Variants in ARHGAP42 observed in about 807,000 individuals in gnomAD.
The protein encoded by ARHGAP42 is rho GTPase-activating protein 42.
A neutral mutation model predicts 125.0 loss-of-function variants in ARHGAP42; 63 were observed. The ratio of observed to expected loss-of-function variants is 0.50; its 90% CI spans 0.41 to 0.62. The LOEUF is 0.62. ARHGAP42 is among the 20% of genes least tolerant of loss of function. ARHGAP42 has a pLI of 0.00. For synonymous variants in ARHGAP42, 339 were observed against 351.0 expected (o/e 0.97, Z 0.38); for missense variants, 766 against 1,024.2 (o/e 0.75, Z 3.44).
chr11:100,876,945 G>T (rs1475075165), intron 4 of ARHGAP42, among the ~76,000 whole-genome samples: 1 of 152,158 alleles, frequency 6.6e-6, no homozygotes, highest in Non-Finnish European at 1.5e-5. Context: ...GTGATTTACA[G>T]ACTCTGAGTT....
At chr11:100,910,966 A>G (rs1675650685) in intron 4 of ARHGAP42, among the ~76,000 whole-genome samples, 1 of 152,124 alleles carries the variant, frequency 6.6e-6, no homozygotes, top group African/African-American at 2.4e-5. Context: ...CTCCAAATTA[A>G]CATTTCCAAA....
intron 1 of ARHGAP42, among the ~76,000 whole-genome samples, chr11:100,703,620 C>G (rs1640409664): frequency 3.9e-5 from 6 of 152,110 alleles, no homozygotes; most frequent in Admixed American, 3.9e-4. Context: ...TTTGATTTGC[C>G]TTTTAAAAAA....
At chr11:100,842,064 T>A (rs1358960980) in intron 3 of ARHGAP42, among the ~76,000 whole-genome samples, 3 of 152,202 alleles carry the variant, frequency 2.0e-5, no homozygotes, top group African/African-American at 7.2e-5. Flanking sequence ...TGGCTAAAGA[T>A]TGAAGTATTG....
intron 3 of ARHGAP42, among the ~76,000 whole-genome samples, chr11:100,857,984 C>G (rs1343415532): frequency 6.6e-6 from 1 of 151,946 alleles, no homozygotes; most frequent in African/African-American, 2.4e-5. Context: ...TGCTATTACT[C>G]CAAGTTACAC....
chr11:100,849,722 C>T (rs1292311534), intron 3 of ARHGAP42, among the ~76,000 whole-genome samples: 2 of 152,118 alleles, frequency 1.3e-5, no homozygotes, highest in Admixed American at 6.6e-5. Context: ...CAAACAGACA[C>T]TAAGGGGCTA....
chr11:100,962,604 C>A (rs996686775), intron 16 of ARHGAP42, 137 bp downstream of exon 16: 2 of 754,416 alleles, frequency 2.7e-6, no homozygotes, highest in Non-Finnish European at 4.1e-6. Flanking sequence ...GGGCCGGGTG[C>A]GGTGGCTCAA....
chr11:100,716,758 A>G (rs1861667650), intron 1 of ARHGAP42, among the ~76,000 whole-genome samples: 1 of 152,146 alleles, frequency 6.6e-6, no homozygotes. Context: ...TTTGTAGGAT[A>G]AGTCTTGTGA....
intron 3 of ARHGAP42, among the ~76,000 whole-genome samples, chr11:100,795,420 G>GAAT: frequency 6.6e-6 from 1 of 151,986 alleles, no homozygotes; most frequent in Non-Finnish European, 1.5e-5. Context: ...CTGTTCTAAG[G>GAAT]ATTAAAAATA....
chr11:100,714,291 C>T (rs980970531), intron 1 of ARHGAP42, among the ~76,000 whole-genome samples: 2 of 152,150 alleles, frequency 1.3e-5, no homozygotes, highest in Non-Finnish European at 2.9e-5. Flanking sequence ...TTGTTAATGA[C>T]ATTTCATATT....
Position 100,990,080 on chromosome 11 carries a change from T to C in ARHGAP42, c.*1279T>C, listed in dbSNP as rs534769903. On this transcript the variant is annotated 3_prime_UTR_variant, in exon 24 of 24. Transcript: ENST00000298815. ...ACTTATATATATCAGCATCTGGTCA[T>C]GCACGAACCATTAATTCTATATTTC... 1.3e-4 allele frequency: 20 copies of C among 152,308 alleles called. No individual in the cohort carries two copies. The highest frequency in any genetic ancestry group is 4.6e-4 in the African/African-American group (19 of 41,584). 9.4% of individuals were successfully genotyped at this position (152,308 alleles called of 1,614,324 possible).
chr11:100,715,101 A>G (rs573734054), intron 1 of ARHGAP42, among the ~76,000 whole-genome samples: 1 of 144,638 alleles, frequency 6.9e-6, no homozygotes, highest in South Asian at 2.3e-4. Context: ...TTTACTTTGT[A>G]TCTCAAATTA....
rs1861903204 is a variant in ARHGAP42, at chr11:100,728,713, C to CAT, written c.154+40881_154+40882insAT. 4.7e-3 allele frequency among the ~76,000 whole-genome samples: 451 copies of CAT among 95,256 alleles called. 41 individuals are homozygous for CAT. The highest frequency in any genetic ancestry group is 0.014 in the East Asian group (35 of 2,560). 62.5% of individuals were successfully genotyped at this position (95,256 alleles called of 152,430 possible). ...AAGTGAAATTATATGAATGACTTTGCGTATATATATATATATATATATATA... is the reference window on the plus strand; with the variant it reads ...AAGTGAAATTATATGAATGACTTTGCATGTATATATATATATATATATATATA... On this transcript the variant is annotated intron_variant, in intron 1 of 23. Coordinates refer to ENST00000298815, the MANE Select transcript of ARHGAP42 (RefSeq NM_152432.4).
At chr11:100,763,038 G>A (rs2134976229) in intron 1 of ARHGAP42, among the ~76,000 whole-genome samples, 2 of 134,710 alleles carry the variant, frequency 1.5e-5, no homozygotes, top group South Asian at 4.9e-4. Flanking sequence ...AGAGTGCAAT[G>A]GCATGATCTC....
intron 2 of ARHGAP42, among the ~76,000 whole-genome samples, chr11:100,784,245 C>T (rs1301604322): frequency 6.6e-6 from 1 of 152,164 alleles, no homozygotes; most frequent in Non-Finnish European, 1.5e-5. Flanking sequence ...GTTACATAGG[C>T]ACGTACCTTA....
rs755886110 is a variant in ARHGAP42, at chr11:100,687,651, C to T, written c.-28C>T. 14 of 1,419,394 alleles carry T rather than the reference C, an allele frequency of 9.9e-6. No homozygotes were observed. Among genetic ancestry groups the T allele is most frequent in the Non-Finnish European group, 1.3e-5 (14 of 1,075,242 alleles). The allele number at this position is 1,419,394 out of a possible 1,614,324, so 87.9% of individuals were successfully genotyped here. A position where few individuals can be genotyped will look rare whatever the true frequency, so the allele number is the denominator to read the frequency against. On this transcript the variant is annotated 5_prime_UTR_variant, in exon 1 of 24. Transcript: ENST00000298815. ...CCCTGACCTCCGGCCCGGACGTGTC[C>T]GCGGCCGCCGCTGGCAGCGCCTGTG... is the stretch of plus-strand genomic sequence containing the variant.
intron 10 of ARHGAP42, 24 bp downstream of exon 10, chr11:100,943,892 A>AT: frequency 3.5e-6 from 5 of 1,418,254 alleles, no homozygotes; most frequent in Non-Finnish European, 4.8e-6. Context: ...TTTTCACTTT[A>AT]TTTTTTTCAT....
intron 3 of ARHGAP42, among the ~76,000 whole-genome samples, chr11:100,803,582 C>A (rs80228860): frequency 0.027 from 4,116 of 152,256 alleles, 71 homozygotes; most frequent in Non-Finnish European, 0.036. Flanking sequence ...TCTTCACTTG[C>A]ATGTAGTAGA....
At chr11:100,695,154 G>A (rs1244014662) in intron 1 of ARHGAP42, among the ~76,000 whole-genome samples, 1 of 152,206 alleles carries the variant, frequency 6.6e-6, no homozygotes, top group Non-Finnish European at 1.5e-5. Context: ...TATAAGCGTA[G>A]CAACTTACAT....
intron 17 of ARHGAP42, among the ~76,000 whole-genome samples, chr11:100,972,314 C>T (rs1024501713): frequency 7.2e-5 from 11 of 152,164 alleles, no homozygotes; most frequent in African/African-American, 2.7e-4. Flanking sequence ...GAGGTATCCT[C>T]TAAAGAATGT....
Sources: allele counts gnomAD v4.1 joint callset (sites outside exome capture counted in the v4.1 genomes callset), GRCh38; gene constraint gnomAD v4.1.1; transcripts MANE v1.5; gene names NCBI Gene and HGNC (gene_info 2026-07-23, HGNC 2026-07-21).